C14orf39: variants seen among roughly 807,000 people sequenced by gnomAD.
C14orf39 encodes protein SIX6OS1.
Under a neutral mutation model 85.6 loss-of-function variants are expected in C14orf39, and 66 were observed. The observed-to-expected ratio is 0.77, with a 90% confidence interval of 0.63 to 0.95. The LOEUF (loss-of-function observed/expected upper bound fraction) is 0.95, where lower values mean the gene tolerates loss of function less well. Among genes scored for constraint, C14orf39 ranks in the 40% least tolerant of loss-of-function variants. The pLI, the probability that C14orf39 is intolerant of heterozygous loss-of-function variation, is 0.00. For missense variants in C14orf39, 735 were observed against 663.9 expected (o/e 1.11, Z -1.18); for synonymous variants, 242 against 214.0 (o/e 1.13, Z -1.14).
chr14:60,475,718 AAG>A (rs1892340765), intron 5 of C14orf39, among the ~76,000 whole-genome samples: 1 of 152,176 alleles, frequency 6.6e-6, no homozygotes, highest in Non-Finnish European at 1.5e-5. Flanking sequence ...TTTACCAAAA[AAG>A]CTTGCCAACT....
At chr14:60,471,341 G>A in intron 7 of C14orf39, 76 bp downstream of exon 7, 1 of 1,120,472 alleles carries the variant, frequency 8.9e-7, no homozygotes, top group Non-Finnish European at 1.3e-6. Context: ...TCTCACAAAG[G>A]AAACACAGTA....
At chr14:60,465,046 T>A (rs1243929720) in intron 11 of C14orf39, among the ~76,000 whole-genome samples, 2 of 152,126 alleles carry the variant, frequency 1.3e-5, no homozygotes, top group Non-Finnish European at 2.9e-5. Flanking sequence ...TAAATTTACA[T>A]TTTTCCAACA....
At chr14:60,454,246 G>A (rs923521082) in intron 16 of C14orf39, among the ~76,000 whole-genome samples, 1 of 151,866 alleles carries the variant, frequency 6.6e-6, no homozygotes, top group Non-Finnish European at 1.5e-5. Flanking sequence ...TTGGCTAAAT[G>A]TAATTAACTT....
chr14:60,500,801 G>A (rs1262328753), intron 1 of C14orf39, among the ~76,000 whole-genome samples: 1 of 152,000 alleles, frequency 6.6e-6, no homozygotes, highest in Non-Finnish European at 1.5e-5. Flanking sequence ...ACTCATTTTT[G>A]ACTCTATATA....
In C14orf39 at chr14:60,445,806, T is replaced by G. The variant is rs150114501; in HGVS notation, c.1504-3675A>C. 1.4e-3 allele frequency among the ~76,000 whole-genome samples: 214 copies of G among 152,252 alleles called. 2 individuals are homozygous for G. The highest frequency in any genetic ancestry group is 2.6e-3 in the Non-Finnish European group (175 of 68,026). ...ACTTATTCTAAAATCGACCACATAATTGGAAGTAAAACACTCCTCAGCAAA... is the reference window on the plus strand; with the variant it reads ...ACTTATTCTAAAATCGACCACATAAGTGGAAGTAAAACACTCCTCAGCAAA... On this transcript the variant is annotated intron_variant, in intron 16 of 17. Coordinates refer to ENST00000321731, the MANE Select transcript of C14orf39 (RefSeq NM_174978.3).
intron 16 of C14orf39, among the ~76,000 whole-genome samples, chr14:60,446,743 C>T (rs1378998912): frequency 6.6e-6 from 1 of 152,032 alleles, no homozygotes; most frequent in African/African-American, 2.4e-5. Flanking sequence ...AGAGACACAA[C>T]AAAAAAAGAG....
In C14orf39 at chr14:60,484,165, T is replaced by G. The variant is rs1892776698; in HGVS notation, c.107-348A>C. 6.6e-6 allele frequency among the ~76,000 whole-genome samples: 1 copy of G among 152,222 alleles called. No homozygotes were observed. On this transcript the variant is annotated intron_variant, in intron 3 of 17. Transcript: ENST00000321731. This position sits in a 1 kb window ranked among gnomAD's most constrained non-coding sequence, Gnocchi z 4.2. ...GCAAACATTTATTCGTTAATGACAC[T>G]AATAGAAGCCTTCTGTTTTTGACAA... is the stretch of plus-strand genomic sequence containing the variant.
intron 4 of C14orf39, 33 bp from the exon 5 acceptor site, chr14:60,478,422 TCAGAATGATAAA>T (rs1566678654): frequency 8.7e-7 from 1 of 1,151,440 alleles, no homozygotes; most frequent in Non-Finnish European, 1.3e-6. Flanking sequence ...AATTAGCAAC[TCAGAATGATAAA>T]CAAATTGATA....
chr14:60,475,685 T>C (rs1322318115), intron 5 of C14orf39, among the ~76,000 whole-genome samples: 2 of 152,138 alleles, frequency 1.3e-5, no homozygotes, highest in Non-Finnish European at 2.9e-5. Context: ...AAGGTTAAAA[T>C]ATTAATACTT....
chr14:60,452,504 T>TG (rs1891084067), intron 16 of C14orf39, among the ~76,000 whole-genome samples: 1 of 150,180 alleles, frequency 6.7e-6, no homozygotes, highest in East Asian at 2.0e-4. Context: ...TGGGAAAGGT[T>TG]GGGGGCGGGG....
At chr14:60,438,961 A>G (rs1436109448) in intron 17 of C14orf39, among the ~76,000 whole-genome samples, 2 of 152,188 alleles carry the variant, frequency 1.3e-5, no homozygotes, top group Admixed American at 1.3e-4. Flanking sequence ...GACAGAAGGA[A>G]TAAGTTCTAG....
At chr14:60,480,856 A>T (rs1027674972) in intron 4 of C14orf39, among the ~76,000 whole-genome samples, 1 of 152,196 alleles carries the variant, frequency 6.6e-6, no homozygotes, top group African/African-American at 2.4e-5. Flanking sequence ...CCAGGCAGGT[A>T]ATGGCAAATA....
intron 10 of C14orf39, among the ~76,000 whole-genome samples, chr14:60,466,461 G>A (rs1260813462): frequency 1.3e-5 from 2 of 150,452 alleles, no homozygotes; most frequent in African/African-American, 2.4e-5. Context: ...TTAATTAAAC[G>A]CAATGGCAAA....
At chr14:60,440,177 T>C (rs1890442717) in intron 17 of C14orf39, among the ~76,000 whole-genome samples, 1 of 152,212 alleles carries the variant, frequency 6.6e-6, no homozygotes, top group African/African-American at 2.4e-5. Context: ...AAATACCATT[T>C]ATAAAAATTC....
chr14:60,505,678 A>T (rs1893193625), intron 1 of C14orf39, among the ~76,000 whole-genome samples: 1 of 152,234 alleles, frequency 6.6e-6, no homozygotes, highest in Admixed American at 6.5e-5. Flanking sequence ...CAATTACCGC[A>T]TTCTTAAAAT....
intron 10 of C14orf39, among the ~76,000 whole-genome samples, chr14:60,466,682 A>C (rs1891804187): frequency 6.6e-6 from 1 of 151,914 alleles, no homozygotes. Context: ...CCAGGCCAGA[A>C]CACTTTTTTT....
chr14:60,509,162 C>T, intron 1 of C14orf39: 1 of 560,682 alleles, frequency 1.8e-6, no homozygotes, highest in South Asian at 2.0e-5. Flanking sequence ...GGAGCCAGCT[C>T]GCCTGCCGGC....
intron 16 of C14orf39, among the ~76,000 whole-genome samples, chr14:60,446,856 A>G (rs1890790291): frequency 6.6e-6 from 1 of 152,120 alleles, no homozygotes; most frequent in Non-Finnish European, 1.5e-5. Flanking sequence ...CCACCACAAT[A>G]AAGTTGGCTT....
At chr14:60,507,310 T>C (rs903764157) in intron 1 of C14orf39, among the ~76,000 whole-genome samples, 3 of 152,182 alleles carry the variant, frequency 2.0e-5, no homozygotes, top group Non-Finnish European at 4.4e-5. Context: ...AGGCCCTCTT[T>C]TTCTGCACCG....
Sources: allele counts gnomAD v4.1 joint callset (sites outside exome capture counted in the v4.1 genomes callset), GRCh38; gene constraint gnomAD v4.1.1; non-coding constraint Gnocchi (gnomAD v3.1); transcripts MANE v1.5; gene names NCBI Gene and HGNC (gene_info 2026-07-23, HGNC 2026-07-21).